The following ZNF182 variants were observed in gnomAD, a reference collection of about 807,000 sequenced individuals.
ZNF182 encodes zinc finger protein 21 (KOX 14).
ZNF182 carries 10 observed loss-of-function variants against 28.1 expected under a neutral mutation model. The ratio of observed to expected loss-of-function variants is 0.36; its 90% CI spans 0.22 to 0.60. The LOEUF is 0.60. ZNF182 is among the 20% of genes least tolerant of loss of function. The pLI is 0.75. For synonymous variants in ZNF182, 156 were observed against 158.7 expected (o/e 0.98, Z 0.13); for missense variants, 352 against 453.2 (o/e 0.78, Z 2.03).
chrX:48,003,137 T>C (rs1449355659), intron 2 of ZNF182, among the ~76,000 whole-genome samples: 13 of 111,892 alleles, frequency 1.2e-4, no homozygotes, highest in African/African-American at 4.2e-4. Context: ...TTAAAAGGTG[T>C]ACAAAAAAAT....
chrX:47,983,674 CAT>C (rs1198371940), intron 3 of ZNF182, among the ~76,000 whole-genome samples: 6 of 111,856 alleles, frequency 5.4e-5, no homozygotes, highest in African/African-American at 1.9e-4. Context: ...AGAATCCAAA[CAT>C]GTATGGACAC....
intron 3 of ZNF182, among the ~76,000 whole-genome samples, chrX:47,998,676 G>C (rs2058967627): frequency 9.0e-6 from 1 of 111,110 alleles, no homozygotes; most frequent in African/African-American, 3.3e-5. Flanking sequence ...GCCCAACATG[G>C]CAAAACTCTG....
intron 3 of ZNF182, among the ~76,000 whole-genome samples, chrX:47,985,952 C>T (rs782465523): frequency 3.6e-5 from 4 of 111,881 alleles, no homozygotes; most frequent in Non-Finnish European, 7.5e-5. Context: ...GACTGACCCA[C>T]ACTATCAAGA....
intron 5 of ZNF182, among the ~76,000 whole-genome samples, chrX:47,981,913 A>AT (rs879981208): frequency 1.8e-5 from 2 of 109,899 alleles, no homozygotes; most frequent in Non-Finnish European, 3.8e-5. Flanking sequence ...AAAAAAAAAA[A>AT]AGTTAAACAT....
chrX:47,998,179 T>G (rs1190255836), intron 3 of ZNF182, among the ~76,000 whole-genome samples: 2 of 108,532 alleles, frequency 1.8e-5, no homozygotes, highest in Non-Finnish European at 3.8e-5. Flanking sequence ...CCGCCTCCTG[T>G]GTTCAAGCAA....
Position 47,976,162 on chromosome X carries a change from G to A in ZNF182, c.*5C>T. 1 of 1,140,195 alleles carries A rather than the reference G, an allele frequency of 8.8e-7. No homozygotes were observed. The highest frequency in any genetic ancestry group is 3.0e-5 in the East Asian group (1 of 33,286). The allele number at this position is 1,140,195 out of a possible 1,213,427, so 94.0% of individuals were successfully genotyped here. Reference sequence around the variant, plus strand: ...TGTCCATAATAGATACTGCTGATTAGCTCTCTAATGTGCCATGAACTTTGA... The same window carrying A: ...TGTCCATAATAGATACTGCTGATTAACTCTCTAATGTGCCATGAACTTTGA... On this transcript the variant is annotated 3_prime_UTR_variant, in exon 6 of 6. Transcript: ENST00000376943.
At chrX:47,987,327 C>T (rs983766007) in intron 3 of ZNF182, among the ~76,000 whole-genome samples, 1 of 111,617 alleles carries the variant, frequency 9.0e-6, no homozygotes, top group Non-Finnish European at 1.9e-5. Context: ...CAAAGTGATT[C>T]GAGAAGGCTA....
At chrX:47,984,146 C>T (rs2058916120) in intron 3 of ZNF182, among the ~76,000 whole-genome samples, 1 of 111,065 alleles carries the variant, frequency 9.0e-6, no homozygotes, top group Admixed American at 9.6e-5. Context: ...AAAAGCAAAA[C>T]CAAATGATCT....
chrX:47,977,938 T>C (rs56408057), intron 5 of ZNF182, 141 bp from the exon 6 acceptor site: 10,288 of 530,818 alleles, frequency 0.019, 150 homozygotes, highest in African/African-American at 0.072. Context: ...TACTAAACTC[T>C]CACCTGCTGG....
Position 47,976,037 on chromosome X carries a change from T to G in ZNF182, c.*130A>C. 4 of 700,130 alleles carry G rather than the reference T, an allele frequency of 5.7e-6. No homozygotes were observed. The highest frequency in any genetic ancestry group is 8.0e-6 in the Non-Finnish European group (4 of 498,170). 57.7% of individuals were successfully genotyped at this position (700,130 alleles called of 1,213,427 possible). On this transcript the variant is annotated 3_prime_UTR_variant, in exon 6 of 6. Coordinates refer to ENST00000376943, the MANE Select transcript of ZNF182 (RefSeq NM_001007088.2). Reference sequence around the variant, plus strand: ...TCTCCCGTAGCTTTTGGGTTATGACTGAGATGAAAAGAAGAAAGGCTGAAT... The same window carrying G: ...TCTCCCGTAGCTTTTGGGTTATGACGGAGATGAAAAGAAGAAAGGCTGAAT...
chrX:47,987,273 A>G (rs1330947240), intron 3 of ZNF182, among the ~76,000 whole-genome samples: 2 of 112,346 alleles, frequency 1.8e-5, no homozygotes, highest in Non-Finnish European at 3.8e-5. Context: ...TTGACTCACA[A>G]GCAAGATCCA....
intron 3 of ZNF182, among the ~76,000 whole-genome samples, chrX:47,999,658 C>A (rs1349799182): frequency 9.0e-6 from 1 of 111,174 alleles, no homozygotes; most frequent in Non-Finnish European, 1.9e-5. Flanking sequence ...GTAGGGTGAC[C>A]ATAATTAACA....
intron 3 of ZNF182, chrX:47,988,650 CT>C (rs1405646758): frequency 1.1e-4 from 38 of 345,100 alleles, no homozygotes; most frequent in South Asian, 3.3e-4. Flanking sequence ...TTCTTTATAA[CT>C]TTTTTTTTCT....
At chrX:47,989,127 T>TA (rs1556900130) in intron 3 of ZNF182, among the ~76,000 whole-genome samples, 2 of 111,842 alleles carry the variant, frequency 1.8e-5, no homozygotes, top group Non-Finnish European at 1.9e-5. Flanking sequence ...GTTAATATCA[T>TA]AAAAAATGAG....
intron 3 of ZNF182, among the ~76,000 whole-genome samples, chrX:47,987,278 G>C (rs2146464666): frequency 8.9e-6 from 1 of 112,207 alleles, no homozygotes; most frequent in Non-Finnish European, 1.9e-5. Context: ...TCACAAGCAA[G>C]ATCCAGCTGT....
rs782340445 is a variant in ZNF182, at chrX:47,977,523, T to G, written c.507A>C (p.Ala169=). The change falls in exon 6 of 6, where the codon GCA becomes GCC. Residue 169 remains alanine, a synonymous_variant. Transcript: ENST00000376943. ...SAENKYDNGC[A]KLFFHTEYEK... Reference sequence around the variant, plus strand: ...CATACTCAGTATGGAAGAACAATTTTGCACATCCATTATCATATTTATTTT... The same window carrying G: ...CATACTCAGTATGGAAGAACAATTTGGCACATCCATTATCATATTTATTTT... 2.6e-5 allele frequency: 32 copies of G among 1,209,315 alleles called. No homozygotes were observed. Among genetic ancestry groups the G allele is most frequent in the Non-Finnish European group, 3.4e-5 (30 of 894,989 alleles).
intron 3 of ZNF182, among the ~76,000 whole-genome samples, chrX:47,998,854 CAAAAA>C (rs57757084): frequency 3.5e-5 from 2 of 56,847 alleles, no homozygotes; most frequent in Non-Finnish European, 3.5e-5. Flanking sequence ...GACTCCGTCT[CAAAAA>C]AAAAAAAAAA....
intron 3 of ZNF182, among the ~76,000 whole-genome samples, chrX:48,002,208 T>C (rs139645677): frequency 4.5e-4 from 50 of 112,027 alleles, no homozygotes; most frequent in East Asian, 3.1e-3. Flanking sequence ...AGGAAAGCAT[T>C]TGTCACCAGG....
chrX:47,991,995 T>G (rs2058943526), intron 3 of ZNF182, among the ~76,000 whole-genome samples: 1 of 111,532 alleles, frequency 9.0e-6, no homozygotes, highest in South Asian at 3.8e-4. Flanking sequence ...AGCCTGAGAC[T>G]TCCTTCCCCT....
Sources: allele counts gnomAD v4.1 joint callset (sites outside exome capture counted in the v4.1 genomes callset), GRCh38; gene constraint gnomAD v4.1.1; transcripts MANE v1.5; gene names NCBI Gene and HGNC (gene_info 2026-07-23, HGNC 2026-07-21).